Variants in NRG2 observed in about 807,000 individuals in gnomAD.
The protein encoded by NRG2 is neuregulin 2.
NRG2 carries 27 observed loss-of-function variants against 73.9 expected under a neutral mutation model. The ratio of observed to expected loss-of-function variants is 0.37; its 90% CI spans 0.27 to 0.50. The LOEUF (loss-of-function observed/expected upper bound fraction) is 0.50. Ranked by LOEUF, NRG2 falls within the 20% of genes least tolerant of loss-of-function variation. The pLI is 0.96. For synonymous variants in NRG2, 532 were observed against 541.0 expected (o/e 0.98, Z 0.23); for missense variants, 1,126 against 1,210.1 (o/e 0.93, Z 1.03).
At chr5:139,956,732 G>C (rs1477719561) in intron 1 of NRG2, among the ~76,000 whole-genome samples, 1 of 152,216 alleles carries the variant, frequency 6.6e-6, no homozygotes, top group Non-Finnish European at 1.5e-5. Flanking sequence ...ATGTCAACAG[G>C]CAGGATGTGG....
chr5:139,968,300 G>C (rs1229308827), intron 1 of NRG2, among the ~76,000 whole-genome samples: 7 of 152,214 alleles, frequency 4.6e-5, no homozygotes, highest in Non-Finnish European at 8.8e-5. Context: ...CAGAAAGAAC[G>C]GGCCTCCGTG....
chr5:139,863,655 A>G (rs1473817803), intron 5 of NRG2, among the ~76,000 whole-genome samples: 2 of 152,146 alleles, frequency 1.3e-5, no homozygotes, highest in Non-Finnish European at 2.9e-5. Flanking sequence ...CCTGGCCCCC[A>G]GCTCTGCCTA....
chr5:139,905,007 C>G (rs980766302), intron 1 of NRG2, among the ~76,000 whole-genome samples: 2 of 152,218 alleles, frequency 1.3e-5, no homozygotes, highest in African/African-American at 2.4e-5. Flanking sequence ...TTTAATGCAA[C>G]CACCATTTGT....
intron 1 of NRG2, among the ~76,000 whole-genome samples, chr5:139,966,454 A>G (rs1329459808): frequency 6.6e-6 from 1 of 152,140 alleles, no homozygotes; most frequent in Non-Finnish European, 1.5e-5. Context: ...TCAGTCTGAC[A>G]AGCACCATCA....
At chr5:139,848,765 G>T in intron 9 of NRG2, 68 bp from the exon 10 acceptor site, 2 of 652,272 alleles carry the variant, frequency 3.1e-6, no homozygotes, top group Non-Finnish European at 4.4e-6. Context: ...GGGGTTGGGG[G>T]TGGGGTAGGG....
At chr5:139,907,369 G>T (rs1199675387) in intron 1 of NRG2, among the ~76,000 whole-genome samples, 1 of 152,190 alleles carries the variant, frequency 6.6e-6, no homozygotes, top group Non-Finnish European at 1.5e-5. Context: ...AAGAACACTT[G>T]ACTGTTGTTT....
intron 4 of NRG2, among the ~76,000 whole-genome samples, chr5:139,867,785 T>A (rs191484787): frequency 0.05 from 6,940 of 137,800 alleles, 445 homozygotes; most frequent in African/African-American, 0.18. Flanking sequence ...TGTGTGTGTG[T>A]GTGTGTGTGT....
intron 1 of NRG2, among the ~76,000 whole-genome samples, chr5:140,009,607 C>T (rs1759192468): frequency 6.6e-6 from 1 of 152,226 alleles, no homozygotes; most frequent in Non-Finnish European, 1.5e-5. Flanking sequence ...TACCATTTTG[C>T]ATTCCCACCA....
chr5:139,862,473 C>T (rs1178386425), intron 5 of NRG2, among the ~76,000 whole-genome samples: 1 of 152,112 alleles, frequency 6.6e-6, no homozygotes, highest in African/African-American at 2.4e-5. Context: ...ACCACTGAGT[C>T]ACCGGAAGGT....
intron 1 of NRG2, among the ~76,000 whole-genome samples, chr5:139,973,346 C>A (rs930250989): frequency 6.6e-6 from 1 of 151,752 alleles, no homozygotes; most frequent in African/African-American, 2.4e-5. Flanking sequence ...AAAGATGTTC[C>A]TTCCTTATAT....
At chr5:139,917,828 C>T (rs905130936) in intron 1 of NRG2, among the ~76,000 whole-genome samples, 28 of 152,034 alleles carry the variant, frequency 1.8e-4, no homozygotes, top group African/African-American at 6.8e-4. Flanking sequence ...ATTTTTCTCC[C>T]AATCTGTGGG....
intron 1 of NRG2, among the ~76,000 whole-genome samples, chr5:139,976,096 T>C (rs77301614): frequency 0.056 from 8,528 of 152,234 alleles, 353 homozygotes; most frequent in Middle Eastern, 0.12. Flanking sequence ...GCTGAGAGAC[T>C]TGTCCAAGGT....
rs148862025 is a variant in NRG2, at chr5:140,006,735, A to G, written c.700+35635T>C. On this transcript the variant is annotated intron_variant, in intron 1 of 9. Transcript: ENST00000361474. ...ATGCAAGAAGAAAATACACCTTAAA[A>G]CTTATTATCTCTAGGTGGTTGAGAT... is the stretch of plus-strand genomic sequence containing the variant. 4.3e-3 allele frequency among the ~76,000 whole-genome samples: 659 copies of G among 152,102 alleles called. 7 individuals carry two copies. The highest frequency in any genetic ancestry group is 0.015 in the African/African-American group (619 of 41,470).
chr5:139,885,439 G>C (rs911388522), intron 2 of NRG2, among the ~76,000 whole-genome samples: 1 of 152,216 alleles, frequency 6.6e-6, no homozygotes, highest in African/African-American at 2.4e-5. Flanking sequence ...GAGAGGTTGG[G>C]ATGTAACTGA....
intron 5 of NRG2, among the ~76,000 whole-genome samples, chr5:139,862,843 G>A (rs1047124286): frequency 6.6e-6 from 1 of 152,250 alleles, no homozygotes; most frequent in African/African-American, 2.4e-5. Context: ...GACAAGCTTT[G>A]ACCCGTGGGG....
At chr5:139,941,319 T>G (rs950338289) in intron 1 of NRG2, among the ~76,000 whole-genome samples, 1 of 152,092 alleles carries the variant, frequency 6.6e-6, no homozygotes, top group Non-Finnish European at 1.5e-5. Context: ...ATTCAACATA[T>G]AATCATTGAA....
chr5:139,958,192 G>A (rs1022562224), intron 1 of NRG2, among the ~76,000 whole-genome samples: 2 of 152,168 alleles, frequency 1.3e-5, no homozygotes, highest in African/African-American at 4.8e-5. Context: ...GACCACTAGC[G>A]TAGGAAAGAA....
chr5:139,935,860 G>C (rs1412675336), intron 1 of NRG2, among the ~76,000 whole-genome samples: 2 of 151,522 alleles, frequency 1.3e-5, no homozygotes, highest in East Asian at 3.9e-4. Context: ...TCTGGAGGCC[G>C]AGGCACAAGA....
At chr5:139,857,180 G>A (rs1413368424) in intron 5 of NRG2, among the ~76,000 whole-genome samples, 1 of 152,174 alleles carries the variant, frequency 6.6e-6, no homozygotes, top group African/African-American at 2.4e-5. Context: ...TGGCTGACCT[G>A]TCTCTGTCTT....
Sources: allele counts gnomAD v4.1 joint callset (sites outside exome capture counted in the v4.1 genomes callset), GRCh38; gene constraint gnomAD v4.1.1; transcripts MANE v1.5; gene names NCBI Gene and HGNC (gene_info 2026-07-23, HGNC 2026-07-21).